The following SORT1 variants were observed in gnomAD, a reference collection of about 807,000 sequenced individuals.
SORT1 encodes the protein sortilin.
In SORT1, 39 loss-of-function variants were observed where a neutral mutation model predicts 101.7. The ratio of observed to expected loss-of-function variants is 0.38; its 90% CI spans 0.30 to 0.50. The LOEUF is 0.50. SORT1 is among the 20% of genes least tolerant of loss of function. The pLI, the probability that SORT1 is intolerant of heterozygous loss-of-function variation, is 0.90. For synonymous variants in SORT1, 396 were observed against 393.7 expected, an observed-to-expected ratio of 1.01 and a Z score of -0.07; for missense variants, 878 against 1,040.4, an observed-to-expected ratio of 0.84 and a Z score of 2.15.
intron 17 of SORT1, 57 bp from the exon 18 acceptor site, chr1:109,314,835 G>T: frequency 1.1e-6 from 1 of 902,138 alleles, no homozygotes; most frequent in Non-Finnish European, 1.8e-6. Context: ...CTAGGACTGA[G>T]GTCAAGGCAG....
chr1:109,366,226 C>G (rs1235466667), intron 3 of SORT1, among the ~76,000 whole-genome samples: 1 of 152,182 alleles, frequency 6.6e-6, no homozygotes, highest in Non-Finnish European at 1.5e-5. Context: ...ACCAATGTCA[C>G]AGTATAGGTT....
chr1:109,381,701 C>T (rs1375712257), intron 1 of SORT1, among the ~76,000 whole-genome samples: 1 of 151,962 alleles, frequency 6.6e-6, no homozygotes, highest in Non-Finnish European at 1.5e-5. Flanking sequence ...GAGACTTTGC[C>T]TCCAAAAAAC....
chr1:109,345,519 A>C (rs1271098117), intron 8 of SORT1, among the ~76,000 whole-genome samples: 3 of 152,106 alleles, frequency 2.0e-5, no homozygotes, highest in African/African-American at 7.2e-5. Context: ...TGTTTCAAAA[A>C]AAAAAAAAAT....
At chr1:109,391,488 A>G (rs186683865) in intron 1 of SORT1, among the ~76,000 whole-genome samples, 339 of 152,366 alleles carry the variant, frequency 2.2e-3, no homozygotes, top group Non-Finnish European at 3.9e-3. Flanking sequence ...AGGGCCAGAG[A>G]CTAAAACACA....
chr1:109,344,479 T>G (rs937749043), intron 8 of SORT1, among the ~76,000 whole-genome samples: 1 of 152,164 alleles, frequency 6.6e-6, no homozygotes, highest in Non-Finnish European at 1.5e-5. Context: ...TTTGCTTGGA[T>G]TGATCGGGCA....
At chr1:109,321,670 G>T (rs1647635824) in intron 15 of SORT1, among the ~76,000 whole-genome samples, 1 of 152,158 alleles carries the variant, frequency 6.6e-6, no homozygotes, top group Admixed American at 6.5e-5. Context: ...CCTGCGATTT[G>T]AGAGAACATG....
At chr1:109,369,440 G>T in intron 2 of SORT1, 90 bp downstream of exon 2, 1 of 820,134 alleles carries the variant, frequency 1.2e-6, no homozygotes, top group Non-Finnish European at 2.1e-6. Context: ...GACAGTTTCA[G>T]GAAGAAATGA....
intron 8 of SORT1, among the ~76,000 whole-genome samples, chr1:109,344,510 T>C (rs1367368036): frequency 6.6e-6 from 1 of 152,190 alleles, no homozygotes; most frequent in Admixed American, 6.6e-5. Flanking sequence ...TGAGGGTCTC[T>C]GCACTGGCTG....
chr1:109,361,729 A>G (rs1181240250), intron 3 of SORT1, among the ~76,000 whole-genome samples: 2 of 152,174 alleles, frequency 1.3e-5, no homozygotes, highest in South Asian at 2.1e-4. Context: ...CATGGATTCT[A>G]TATTTGTAAA....
At chr1:109,324,227 C>G (rs1557782499) in intron 14 of SORT1, among the ~76,000 whole-genome samples, 1 of 152,068 alleles carries the variant, frequency 6.6e-6, no homozygotes, top group Non-Finnish European at 1.5e-5. Flanking sequence ...CTCTCGGGTT[C>G]AAATGATTCT....
In SORT1 at chr1:109,314,740, G is replaced by A. The variant is rs369998819; in HGVS notation, c.2289C>T (p.Ile763=). Residue 763 remains isoleucine (I), a synonymous_variant, in exon 18 of 20, where the codon ATC becomes ATT. Transcript: ENST00000256637. ...KSNSVPIILA[I]VGLMLVTVVA... Reference sequence around the variant, plus strand: ...CGACTGTGACCAGCATCAATCCCACGATGGCCAGGATAATTGGAACAGAAT... The same window carrying A: ...CGACTGTGACCAGCATCAATCCCACAATGGCCAGGATAATTGGAACAGAAT... 1.4e-5 allele frequency: 22 copies of A among 1,610,688 alleles called. No homozygotes were observed. In the Middle Eastern group the frequency reaches 4.9e-4, roughly 36 times the overall value.
chr1:109,354,731 ACAT>A (rs1417925618), intron 4 of SORT1, among the ~76,000 whole-genome samples, 200 bp from the exon 5 acceptor site: 3 of 152,200 alleles, frequency 2.0e-5, no homozygotes, highest in Non-Finnish European at 4.4e-5. Flanking sequence ...CTGAGCTGGG[ACAT>A]CATATCTGTG....
chr1:109,345,729 A>T, intron 8 of SORT1, 22 bp downstream of exon 8: 1 of 1,597,398 alleles, frequency 6.3e-7, no homozygotes, highest in Non-Finnish European at 8.5e-7. Flanking sequence ...TCAGACCCCA[A>T]AGGGGAGAGG....
rs1023974859 is a variant in SORT1, at chr1:109,313,286, C to T, written c.*757G>A. The T allele has an allele frequency of 3.1e-4, 48 of 152,820 alleles. No homozygotes were observed. Among genetic ancestry groups the T allele is most frequent in the African/African-American group, 1.1e-3 (47 of 41,564 alleles). The allele number at this position is 152,820 out of a possible 1,614,324, so 9.5% of individuals were successfully genotyped here. A position where few individuals can be genotyped will look rare whatever the true frequency, so the allele number is the denominator to read the frequency against. On this transcript the variant is annotated 3_prime_UTR_variant, in exon 20 of 20. Coordinates refer to ENST00000256637, the MANE Select transcript of SORT1 (RefSeq NM_002959.7). ...AGTTCTCTTTTAATAGGTGCTATATCTAGTCAATTCTCTGCTGCTCCCTTC... is the reference window on the plus strand; with the variant it reads ...AGTTCTCTTTTAATAGGTGCTATATTTAGTCAATTCTCTGCTGCTCCCTTC...
chr1:109,341,872 A>T, intron 9 of SORT1, 142 bp downstream of exon 9: 1 of 787,496 alleles, frequency 1.3e-6, no homozygotes, highest in Non-Finnish European at 2.1e-6. Flanking sequence ...AACAGGGGCT[A>T]CAGATGATCT....
At position 109,397,773 on chromosome 1, in the gene SORT1, C is replaced by A; in HGVS notation, c.120G>T (p.Pro40=). ...GCGGCAGCGGCGCAGCGGGCGGCGG[C>A]GGCGCGTCCAGCCGGTCCTGGCTGA... ...STLSQDRLDA[P]PPPAAPLPRW... is the part of the protein sequence containing the mutation. The change falls in exon 1 of 20, where the codon CCG becomes CCT. Residue 40 remains proline, a synonymous_variant. Transcript: ENST00000256637. The A allele has an allele frequency of 8.2e-7, 1 of 1,213,912 alleles. No individual in the cohort carries two copies. Among genetic ancestry groups the A allele is most frequent in the Non-Finnish European group, 1.0e-6 (1 of 974,458 alleles). The allele number at this position is 1,213,912 out of a possible 1,614,324, so 75.2% of individuals were successfully genotyped here.
At chr1:109,336,190 G>A (rs1648810834) in intron 11 of SORT1, 50 bp downstream of exon 11, 1 of 1,148,422 alleles carries the variant, frequency 8.7e-7, no homozygotes, top group Non-Finnish European at 1.3e-6. Context: ...GCACTGATCA[G>A]AGCACAATGG....
intron 3 of SORT1, among the ~76,000 whole-genome samples, chr1:109,360,426 G>A (rs1244611789): frequency 6.6e-6 from 1 of 152,028 alleles, no homozygotes; most frequent in African/African-American, 2.4e-5. Context: ...TAGAACTCCT[G>A]AGCTCAAGCA....
At position 109,327,446 on chromosome 1, in the gene SORT1, C is replaced by T. The variant is rs1648150737; in HGVS notation, c.1474+53G>A. Reference sequence around the variant, plus strand: ...CGTTCAAAGCCTGTTGGCTGAGTTTCAGTGTGCTCAGCCACTGTTCCAGTT... The same window carrying T: ...CGTTCAAAGCCTGTTGGCTGAGTTTTAGTGTGCTCAGCCACTGTTCCAGTT... On this transcript the variant is annotated intron_variant, in intron 12 of 19. Transcript: ENST00000256637. 5.4e-6 allele frequency: 6 copies of T among 1,115,758 alleles called. No homozygotes were observed. The East Asian group carries it at 1.4e-4, about 27-fold the overall frequency. 69.1% of individuals were successfully genotyped at this position (1,115,758 alleles called of 1,614,324 possible).
Sources: gnomAD v4.1 joint callset for allele counts (sites outside exome capture counted in the v4.1 genomes callset) on GRCh38, gnomAD v4.1.1 for gene constraint, MANE v1.5 for transcripts, NCBI Gene and HGNC (gene_info 2026-07-23, HGNC 2026-07-21) for gene names.